Variants in TMEM108 observed in about 807,000 individuals in gnomAD.
TMEM108 encodes transmembrane protein 108, also known as cancer/testis antigen 124.
In TMEM108, 12 loss-of-function variants were observed where a neutral mutation model predicts 35.1. That is an observed-to-expected ratio of 0.34 (90% CI 0.22 to 0.55). TMEM108 has a LOEUF of 0.55. Ranked by LOEUF, TMEM108 falls within the 20% of genes least tolerant of loss-of-function variation. TMEM108 has a pLI of 0.89. For missense variants in TMEM108, 680 were observed against 753.3 expected (o/e 0.90, Z 1.14); for synonymous variants, 287 against 308.6 (o/e 0.93, Z 0.73).
At chr3:133,220,769 C>G (rs1034400724) in intron 2 of TMEM108, among the ~76,000 whole-genome samples, 1 of 152,022 alleles carries the variant, frequency 6.6e-6, no homozygotes, top group Non-Finnish European at 1.5e-5. Context: ...GGGCTCAGTC[C>G]CACAAGACTG....
intron 2 of TMEM108, among the ~76,000 whole-genome samples, chr3:133,150,464 CT>C (rs2107766812): frequency 6.7e-6 from 1 of 150,232 alleles, no homozygotes; most frequent in South Asian, 2.1e-4. Context: ...TCTAAGTTGC[CT>C]TTCCATTTGT....
At chr3:133,096,588 T>C (rs993663755) in intron 2 of TMEM108, among the ~76,000 whole-genome samples, 10 of 152,182 alleles carry the variant, frequency 6.6e-5, no homozygotes, top group African/African-American at 1.4e-4. Flanking sequence ...AAACACACAA[T>C]GCTGACGCCT....
intron 2 of TMEM108, among the ~76,000 whole-genome samples, chr3:133,166,305 C>T (rs56204432): frequency 0.037 from 5,686 of 152,200 alleles, 152 homozygotes; most frequent in Non-Finnish European, 0.06. Flanking sequence ...CACACATTTA[C>T]CTATGTAACA....
chr3:133,098,069 C>T (rs1184606178), intron 2 of TMEM108, among the ~76,000 whole-genome samples: 1 of 152,178 alleles, frequency 6.6e-6, no homozygotes, highest in Admixed American at 6.5e-5. Flanking sequence ...ACAGGTGTAG[C>T]AGCTTGTATT....
intron 2 of TMEM108, among the ~76,000 whole-genome samples, chr3:133,149,537 ACT>A (rs1176802143): frequency 6.6e-6 from 1 of 151,860 alleles, no homozygotes; most frequent in Non-Finnish European, 1.5e-5. Context: ...CCACCACTCT[ACT>A]CTGTTTCTAT....
Position 133,381,046 on chromosome 3 carries a change from G to C in TMEM108, c.1335G>C (p.Gly445=). ...GGACCTGGAAGCCTGGGACAGCAGG[G>C]AACATCTCCCATGTGGCCGAGGGGG... ...PAGTWKPGTA[G]NISHVAEGDK... Residue 445 remains glycine, a synonymous_variant, in exon 4 of 6, where the codon GGG becomes GGC. Coordinates refer to ENST00000321871, the MANE Select transcript of TMEM108 (RefSeq NM_023943.4). The C allele has an allele frequency of 6.2e-7, 1 of 1,614,184 alleles. No individual in the cohort carries two copies.
chr3:133,305,721 T>C (rs1576444947), intron 3 of TMEM108, among the ~76,000 whole-genome samples: 1 of 152,058 alleles, frequency 6.6e-6, no homozygotes, highest in East Asian at 1.9e-4. Context: ...TATATAAATA[T>C]TACAGTTTCT....
chr3:133,348,683 G>A (rs2071894824), intron 3 of TMEM108, among the ~76,000 whole-genome samples: 1 of 152,132 alleles, frequency 6.6e-6, no homozygotes, highest in Non-Finnish European at 1.5e-5. Context: ...TGTAGGGTGA[G>A]GCAACTCCCT....
At chr3:133,101,008 A>T (rs58876373) in intron 2 of TMEM108, among the ~76,000 whole-genome samples, 2,267 of 152,310 alleles carry the variant, frequency 0.015, 51 homozygotes, top group African/African-American at 0.052. Context: ...CCTCATTGTC[A>T]CATACACATG....
chr3:133,237,928 C>T (rs1382194904), intron 3 of TMEM108, among the ~76,000 whole-genome samples: 2 of 152,046 alleles, frequency 1.3e-5, no homozygotes, highest in Non-Finnish European at 2.9e-5. Flanking sequence ...TTTTGAAAAG[C>T]TCTTTGGGGA....
At chr3:133,219,718 CCTT>C (rs1359179108) in intron 2 of TMEM108, among the ~76,000 whole-genome samples, 2 of 152,040 alleles carry the variant, frequency 1.3e-5, no homozygotes, top group Non-Finnish European at 2.9e-5. Context: ...GTGATTTAGA[CCTT>C]CTTAAACTTA....
chr3:133,367,051 C>T (rs1559931082), intron 3 of TMEM108, among the ~76,000 whole-genome samples: 1 of 152,230 alleles, frequency 6.6e-6, no homozygotes, highest in Non-Finnish European at 1.5e-5. Flanking sequence ...CACCTGTCAA[C>T]TTTCATTTAA....
At chr3:133,051,699 A>G (rs1943408147) in intron 2 of TMEM108, among the ~76,000 whole-genome samples, 1 of 152,120 alleles carries the variant, frequency 6.6e-6, no homozygotes, top group African/African-American at 2.4e-5. Context: ...AAAGAGTGTA[A>G]GGTCTGTGTC....
At chr3:133,308,912 A>G (rs1242754865) in intron 3 of TMEM108, among the ~76,000 whole-genome samples, 1 of 152,108 alleles carries the variant, frequency 6.6e-6, no homozygotes, top group African/African-American at 2.4e-5. Flanking sequence ...TTTTCTATTG[A>G]TTGGAATAGT....
At chr3:133,056,936 T>C (rs1943472144) in intron 2 of TMEM108, among the ~76,000 whole-genome samples, 1 of 152,204 alleles carries the variant, frequency 6.6e-6, no homozygotes, top group South Asian at 2.1e-4. Flanking sequence ...TAAAACGAAG[T>C]TTTCCAACAG....
chr3:133,259,180 C>G (rs1946590237), intron 3 of TMEM108, among the ~76,000 whole-genome samples: 1 of 152,160 alleles, frequency 6.6e-6, no homozygotes, highest in Non-Finnish European at 1.5e-5. Flanking sequence ...TTTAATAAAC[C>G]TGGACTGATT....
chr3:133,181,022 A>AAAAAAAAAAC (rs1945332587), intron 2 of TMEM108, among the ~76,000 whole-genome samples: 1 of 144,382 alleles, frequency 6.9e-6, no homozygotes, highest in Non-Finnish European at 1.5e-5. Flanking sequence ...AAAAAAAAAA[A>AAAAAAAAAAC]AAAAAAAAAA....
intron 3 of TMEM108, among the ~76,000 whole-genome samples, chr3:133,305,375 GA>G (rs2071016348): frequency 1.8e-5 from 2 of 108,336 alleles, no homozygotes; most frequent in Non-Finnish European, 3.6e-5. Flanking sequence ...GGGGTGGGGG[GA>G]GGGGGGAGGG....
intron 2 of TMEM108, among the ~76,000 whole-genome samples, chr3:133,185,899 C>G (rs1483644315): frequency 6.6e-6 from 1 of 151,740 alleles, no homozygotes; most frequent in Non-Finnish European, 1.5e-5. Context: ...TCCCCAGTAG[C>G]TGGGATTACA....
Sources: gnomAD v4.1 joint callset for allele counts (sites outside exome capture counted in the v4.1 genomes callset) on GRCh38, gnomAD v4.1.1 for gene constraint, MANE v1.5 for transcripts, NCBI Gene and HGNC (gene_info 2026-07-23, HGNC 2026-07-21) for gene names.